The following TUBB8B variants were observed in gnomAD, a reference collection of about 807,000 sequenced individuals.
TUBB8B encodes the protein tubulin beta 8B.
A neutral mutation model predicts 31.9 loss-of-function variants in TUBB8B; 26 were observed. That is an observed-to-expected ratio of 0.81 (90% CI 0.60 to 1.13). The LOEUF (loss-of-function observed/expected upper bound fraction) is 1.13, where lower values mean the gene tolerates loss of function less well. TUBB8B is among the 50% of genes most tolerant of loss of function. TUBB8B has a pLI of 0.00. For missense variants in TUBB8B, 467 were observed against 586.7 expected, an observed-to-expected ratio of 0.80 and a Z score of 2.11; for synonymous variants, 173 against 231.0, an observed-to-expected ratio of 0.75 and a Z score of 2.28.
At chr18:67,717 T>C in the TUBB8B span, among the ~76,000 whole-genome samples, 1 of 151,982 alleles carries the variant, frequency 6.6e-6, no homozygotes, top group Non-Finnish European at 1.5e-5. Context: ...TCAGAAGAGG[T>C]ATCATACTGG....
At chr18:63,185 C>A in the TUBB8B span, among the ~76,000 whole-genome samples, 1 of 151,672 alleles carries the variant, frequency 6.6e-6, no homozygotes, top group Admixed American at 6.6e-5. Context: ...GGCCTTGATA[C>A]TTGTAGATGT....
chr18:48,385 C>T lies in TUBB8B; in HGVS notation c.340G>A (p.Glu114Lys). The T allele has an allele frequency of 6.2e-7, 1 of 1,612,740 alleles. No homozygotes were observed. Among genetic ancestry groups the T allele is most frequent in the Non-Finnish European group, 8.5e-7 (1 of 1,178,850 alleles). Residue 114 changes from glutamate (E) to lysine (K), a missense_variant, in exon 4 of 4, where the codon GAG becomes AAG. Coordinates refer to ENST00000308911, the MANE Select transcript of TUBB8B (RefSeq NM_001358689.2). Reference protein sequence around the residue: ...GRYTEGAELTESVMDVVRKEA... With the variant: ...GRYTEGAELTKSVMDVVRKEA... ...TTTCTGACAACGTCCATCACTGACT[C>T]CGTCAGCTCCGCGCCTTCTGTGTAG...
At chr18:49,419 G>A (rs1056735305) in intron 1 of TUBB8B, 82 bp downstream of exon 1, 15 of 882,408 alleles carry the variant, frequency 1.7e-5, no homozygotes, top group African/African-American at 1.2e-4. Context: ...CGCAATGCAG[G>A]GGCACCGCTC....
chr18:52,349 A>C (rs1457379626), upstream of TUBB8B, among the ~76,000 whole-genome samples: 2 of 151,334 alleles, frequency 1.3e-5, no homozygotes, highest in Non-Finnish European at 3.0e-5. Context: ...GACAAAGAGC[A>C]CAAGGTGGAC....
chr18:55,245 C>G, the TUBB8B span, among the ~76,000 whole-genome samples: 1 of 151,702 alleles, frequency 6.6e-6, no homozygotes, highest in African/African-American at 2.4e-5. Context: ...GGATTACAGG[C>G]ACCTGACACC....
In TUBB8B at chr18:47,417, C is replaced by T. The variant is rs1269441363; in HGVS notation, c.1308G>A (p.Glu436=). 2 of 1,214,792 alleles carry T rather than the reference C, an allele frequency of 1.6e-6. No individual in the cohort carries two copies. 75.3% of individuals were successfully genotyped at this position (1,214,792 alleles called of 1,614,324 possible). ...AGGCCACCTCCTCCTCGGCATACTCCTCATCCTCCTCCTCCTCGGCCGTGG... is the reference window on the plus strand; with the variant it reads ...AGGCCACCTCCTCCTCGGCATACTCTTCATCCTCCTCCTCCTCGGCCGTGG... ...QDATAEEEED[E]EYAEEEVA is the part of the protein sequence containing the mutation. The change falls in exon 4 of 4, where the codon GAG becomes GAA. Residue 436 remains glutamate, a synonymous_variant. Coordinates refer to ENST00000308911, the MANE Select transcript of TUBB8B (RefSeq NM_001358689.2).
chr18:64,042 TAACCCTAA>T, the TUBB8B span, among the ~76,000 whole-genome samples: 1 of 140,786 alleles, frequency 7.1e-6, no homozygotes, highest in Admixed American at 7.0e-5. Flanking sequence ...CCCTAACCCT[TAACCCTAA>T]AACCCTAACC....
chr18:65,169 C>A, the TUBB8B span, among the ~76,000 whole-genome samples: 1 of 151,906 alleles, frequency 6.6e-6, no homozygotes, highest in African/African-American at 2.4e-5. Context: ...GGTGTGGTGG[C>A]AGGAGCCTGT....
chr18:62,094 T>G, the TUBB8B span, among the ~76,000 whole-genome samples: 1 of 151,830 alleles, frequency 6.6e-6, no homozygotes, highest in African/African-American at 2.4e-5. Context: ...TTAAAGGACT[T>G]TTTGCCAGAT....
the TUBB8B span, among the ~76,000 whole-genome samples, chr18:56,596 T>A: frequency 1.3e-5 from 2 of 151,742 alleles, no homozygotes; most frequent in Admixed American, 6.6e-5. Flanking sequence ...ATAGGGTTAC[T>A]TTTTTGAATT....
the TUBB8B span, among the ~76,000 whole-genome samples, chr18:65,433 T>C: frequency 3.3e-5 from 5 of 152,152 alleles, no homozygotes; most frequent in African/African-American, 1.2e-4. Flanking sequence ...ACTAAAGCCA[T>C]CACTGCAAAT....
the TUBB8B span, among the ~76,000 whole-genome samples, chr18:59,440 T>G: frequency 6.6e-6 from 1 of 151,744 alleles, no homozygotes; most frequent in Non-Finnish European, 1.5e-5. Context: ...TTGAGATATG[T>G]TCATTCCATA....
At chr18:68,566 G>C in the TUBB8B span, among the ~76,000 whole-genome samples, 32 of 152,126 alleles carry the variant, frequency 2.1e-4, no homozygotes, top group African/African-American at 7.7e-4. Flanking sequence ...CGTTCCCAGG[G>C]AAAACACCTC....
the TUBB8B span, among the ~76,000 whole-genome samples, chr18:56,762 G>A: frequency 6.6e-6 from 1 of 151,964 alleles, no homozygotes; most frequent in Admixed American, 6.6e-5. Context: ...ATTGGTGACT[G>A]GTTAATTTAT....
chr18:70,396 G>A, the TUBB8B span, among the ~76,000 whole-genome samples: 1 of 152,214 alleles, frequency 6.6e-6, no homozygotes, highest in African/African-American at 2.4e-5. Context: ...ACTTTGGGAG[G>A]ACAAGGCGGG....
At chr18:48,891 G>T (rs747040978) in intron 3 of TUBB8B, 49 bp downstream of exon 3, 3 of 1,319,440 alleles carry the variant, frequency 2.3e-6, no homozygotes. Context: ...CCTGGATTTT[G>T]AGCTGCCCTG....
chr18:63,702 C>T, the TUBB8B span, among the ~76,000 whole-genome samples: 1 of 143,470 alleles, frequency 7.0e-6, no homozygotes, highest in Non-Finnish European at 1.5e-5. Context: ...TAACCCTAAC[C>T]CTAACCCTAA....
upstream of TUBB8B, among the ~76,000 whole-genome samples, chr18:50,856 G>A (rs1408046527): frequency 2.0e-5 from 3 of 152,026 alleles, no homozygotes; most frequent in Non-Finnish European, 4.4e-5. Flanking sequence ...TCTCTCTTTT[G>A]ATGTCCTCTG....
chr18:51,416 A>C (rs1363357103), upstream of TUBB8B, among the ~76,000 whole-genome samples: 1 of 151,856 alleles, frequency 6.6e-6, no homozygotes, highest in African/African-American at 2.4e-5. Context: ...GACAGTGAAT[A>C]AGCCTCATGA....
Sources: allele counts gnomAD v4.1 joint callset (sites outside exome capture counted in the v4.1 genomes callset), GRCh38; gene constraint gnomAD v4.1.1; transcripts MANE v1.5; gene names NCBI Gene and HGNC (gene_info 2026-07-23, HGNC 2026-07-21).